The following KDM6B variants were observed in gnomAD, a reference collection of about 807,000 sequenced individuals.
KDM6B encodes lysine demethylase 6B.
A neutral mutation model predicts 150.4 loss-of-function variants in KDM6B; 22 were observed. That is an observed-to-expected ratio of 0.15 (90% CI 0.10 to 0.21). KDM6B has a LOEUF of 0.21. Ranked by LOEUF, KDM6B falls within the 10% of genes least tolerant of loss-of-function variation. The pLI, the probability that KDM6B is intolerant of heterozygous loss-of-function variation, is 1.00. For synonymous variants in KDM6B, 1,148 were observed against 921.1 expected, an observed-to-expected ratio of 1.25 and a Z score of -4.46; for missense variants, 1,984 against 2,234.3, an observed-to-expected ratio of 0.89 and a Z score of 2.26.
rs201403136 is a variant in KDM6B at position 7,848,213 on chromosome 17, C to T, written c.1925C>T (p.Pro642Leu). The T allele has an allele frequency of 3.1e-3, 4,981 of 1,610,004 alleles. 25 individuals are homozygous for T. The highest frequency in any genetic ancestry group is 0.022 in the Middle Eastern group (132 of 5,986). Residue 642 changes from proline (P) to leucine (L), a missense_variant, in exon 12 of 24, where the codon CCG becomes CTG. Pro to Leu is a moderately conservative substitution (Grantham distance 98). This residue lies in a region of KDM6B where 1,379 missense variants were observed against 1,275.6 expected (regional missense o/e 1.08). Coordinates refer to ENST00000448097, the MANE Select transcript of KDM6B (RefSeq NM_001348716.2). The stretch of plus-strand genomic sequence containing the variant: ...TTCCCAAAGACCCCCGAGGTGGGGC[C>T]GGGGCCACCCCCAGGCCCCCTGAGT... ...VSFPKTPEVGPGPPPGPLSKA... is the reference protein window; with the variant it reads ...VSFPKTPEVGLGPPPGPLSKA...
At chr17:7,836,347 C>T (rs1178656727) in intron 1 of KDM6B, among the ~76,000 whole-genome samples, 1 of 152,232 alleles carries the variant, frequency 6.6e-6, no homozygotes, top group Non-Finnish European at 1.5e-5. Flanking sequence ...CGTCCTTCTT[C>T]GCTTCTCCCG....
In KDM6B at chr17:7,847,818, A is replaced by AACC; in HGVS notation, c.1530_1531insACC (p.Gly510_Pro511insThr). 7.1e-7 allele frequency: 1 copy of AACC among 1,416,458 alleles called. No homozygotes were observed. The highest frequency in any genetic ancestry group is 9.4e-7 in the Non-Finnish European group (1 of 1,061,008). 87.7% of individuals were successfully genotyped at this position (1,416,458 alleles called of 1,614,324 possible). A position where few individuals can be genotyped will look rare whatever the true frequency, so the allele number is the denominator to read the frequency against. On this transcript the variant is annotated inframe_insertion, in exon 12 of 24. Transcript: ENST00000448097. ...AAGAGCTCTTCTTTGGGACTGAGGGACCCCCCCGCCCTGCCCCACCACCCC... is the reference window on the plus strand; with the variant it reads ...AAGAGCTCTTCTTTGGGACTGAGGGAACCCCCCCCCGCCCTGCCCCACCACCCC...
At chr17:7,853,166 A>G (rs1424824433) in intron 22 of KDM6B, 40 bp downstream of exon 22, 39 of 1,613,894 alleles carry the variant, frequency 2.4e-5, no homozygotes, top group Non-Finnish European at 2.5e-5. Context: ...GAGTGTCCAC[A>G]GTGGCCCTCC....
At chr17:7,852,886 C>A in intron 21 of KDM6B, 114 bp from the exon 22 acceptor site, 4 of 1,434,680 alleles carry the variant, frequency 2.8e-6, no homozygotes, top group Non-Finnish European at 3.9e-6. Flanking sequence ...AGACATGAAG[C>A]GGGGAGGCCC....
intron 14 of KDM6B, 87 bp from the exon 15 acceptor site, chr17:7,850,934 G>C: frequency 8.3e-7 from 1 of 1,200,036 alleles, no homozygotes; most frequent in Non-Finnish European, 1.2e-6. Flanking sequence ...GTCAGAGCCA[G>C]AGGAGTAGGA....
Position 7,847,027 on chromosome 17 carries a change from G to C in KDM6B, c.909+11G>C. ...CCCCCAGAGCGCCAGGTGAGCCCCTGCCTGTTGCCTTTCACCTCTCACCTA... is the reference window on the plus strand; with the variant it reads ...CCCCCAGAGCGCCAGGTGAGCCCCTCCCTGTTGCCTTTCACCTCTCACCTA... On this transcript the variant is annotated intron_variant, in intron 10 of 23. Coordinates refer to ENST00000448097, the MANE Select transcript of KDM6B (RefSeq NM_001348716.2). 2 of 1,613,126 alleles carry C rather than the reference G, an allele frequency of 1.2e-6. No individual in the cohort carries two copies. Among genetic ancestry groups the C allele is most frequent in the Non-Finnish European group, 8.5e-7 (1 of 1,179,432 alleles).
intron 2 of KDM6B, among the ~76,000 whole-genome samples, chr17:7,840,955 A>G (rs1451089371): frequency 6.6e-6 from 1 of 152,192 alleles, no homozygotes; most frequent in Non-Finnish European, 1.5e-5. Flanking sequence ...ATGGCCTGTG[A>G]GGATAAAACC....
In KDM6B at chr17:7,845,912, C is replaced by T. The variant is rs1445500706; in HGVS notation, c.178C>T (p.Leu60=). ...SIGQPPLPAP[L]PPSHGSSSGH... ...TGGGCAGCCCCCGCTTCCTGCTCCC[C>T]TACCCCCTTCACATGGCAGTAGTTC... Residue 60 remains leucine (L), a synonymous_variant, in exon 6 of 24, where the codon CTA becomes TTA. Coordinates refer to ENST00000448097, the MANE Select transcript of KDM6B (RefSeq NM_001348716.2). The T allele has an allele frequency of 1.2e-5, 20 of 1,614,036 alleles. No individual in the cohort carries two copies. Among genetic ancestry groups the T allele is most frequent in the Non-Finnish European group, 1.4e-5 (16 of 1,179,960 alleles).
At position 7,849,218 on chromosome 17, in the gene KDM6B, A is replaced by G; in HGVS notation, c.2930A>G (p.Lys977Arg). Reference sequence around the variant, plus strand: ...TCAGGCAGCTGTAAGCGGCGACAGAAGGAGCATCAGAAGGAGCATCGGCGG... The same window carrying G: ...TCAGGCAGCTGTAAGCGGCGACAGAGGGAGCATCAGAAGGAGCATCGGCGG... ...AVSGSCKRRQKEHQKEHRRHR... is the reference protein window; with the variant it reads ...AVSGSCKRRQREHQKEHRRHR... Residue 977 changes from lysine (K) to arginine (R), a missense_variant, in exon 12 of 24, where the codon AAG becomes AGG. Transcript: ENST00000448097. 6.3e-7 allele frequency: 1 copy of G among 1,590,180 alleles called. No homozygotes were observed. Among genetic ancestry groups the G allele is most frequent in the African/African-American group, 1.3e-5 (1 of 74,374 alleles).
At position 7,851,636 on chromosome 17, in the gene KDM6B, TC is replaced by T; in HGVS notation, c.4017-10del. 1 of 1,596,128 alleles carries T rather than the reference TC, an allele frequency of 6.3e-7. No individual in the cohort carries two copies. The highest frequency in any genetic ancestry group is 8.5e-7 in the Non-Finnish European group (1 of 1,171,066). ...GCGGGGTGTAGCCTCTCGTCGCACT[TC>T]CGCACCGCAGGTGGAAGCCCCAGCT... On this transcript the variant is annotated splice_polypyrimidine_tract_variant and intron_variant, in intron 17 of 23. Transcript: ENST00000448097.
chr17:7,847,552 G>A lies in KDM6B; in HGVS notation c.1264G>A (p.Ala422Thr), dbSNP rs2078581608. The change falls in exon 12 of 24, where the codon GCT becomes ACT. Residue 422 changes from alanine to threonine, a missense_variant. Ala to Thr is a moderately conservative substitution (Grantham distance 58). This residue lies in a region of KDM6B where 1,379 missense variants were observed against 1,275.6 expected (regional missense o/e 1.08). Coordinates refer to ENST00000448097, the MANE Select transcript of KDM6B (RefSeq NM_001348716.2). The stretch of plus-strand genomic sequence containing the variant: ...CCTGCTTCTACACTTGCAGCCCGGC[G>A]CTGACCATTACCAAACTCCCGCGCT... Reference protein sequence around the residue: ...GVEPNPGIPGADHYQTPALEV... With the variant: ...GVEPNPGIPGTDHYQTPALEV... The A allele has an allele frequency of 2.5e-6, 4 of 1,613,122 alleles. No homozygotes were observed. In the South Asian group the frequency reaches 3.3e-5, roughly 13 times the overall value.
At position 7,844,635 on chromosome 17, in the gene KDM6B, G is replaced by T. The variant is rs948783731; in HGVS notation, c.-268-266G>T. 6.6e-6 allele frequency among the ~76,000 whole-genome samples: 1 copy of T among 152,220 alleles called. No individual in the cohort carries two copies. The highest frequency in any genetic ancestry group is 1.5e-5 in the Non-Finnish European group (1 of 68,026). The stretch of plus-strand genomic sequence containing the variant: ...GAGCAGCCTGGCCGTGGCCACCGGC[G>T]GCTCTGGGTGCTTGAGGCTTGCGGG... On this transcript the variant is annotated intron_variant, in intron 2 of 23. Coordinates refer to ENST00000448097, the MANE Select transcript of KDM6B (RefSeq NM_001348716.2). This position sits in a 1 kb window ranked among gnomAD's most constrained non-coding sequence, Gnocchi z 5.9.
At position 7,847,259 on chromosome 17, in the gene KDM6B, C is replaced by A. The variant is rs200115787; in HGVS notation, c.1064C>A (p.Pro355His). The change falls in exon 11 of 24, where the codon CCC becomes CAC. Residue 355 changes from proline to histidine, a missense_variant. Transcript: ENST00000448097. ...ESHGCLPATR[P>H]PGSDLRESRV... ...CATGGCTGCCTGCCTGCCACCCGTC[C>A]CCCCGGAAGTGACCTTAGAGAGAGC... 1 of 1,603,834 alleles carries A rather than the reference C, an allele frequency of 6.2e-7. No homozygotes were observed. The highest frequency in any genetic ancestry group is 8.5e-7 in the Non-Finnish European group (1 of 1,179,740).
At position 7,846,696 on chromosome 17, in the gene KDM6B, C is replaced by G; in HGVS notation, c.667C>G (p.Leu223Val). The G allele has an allele frequency of 6.2e-7, 1 of 1,614,134 alleles. No individual in the cohort carries two copies. Among genetic ancestry groups the G allele is most frequent in the Middle Eastern group, 1.6e-4 (1 of 6,062 alleles). The change falls in exon 9 of 24, where the codon CTC becomes GTC. Residue 223 changes from leucine to valine, a missense_variant. By Grantham distance (32) the Leu-to-Val change is conservative. Around this residue, in one of 13 missense-constraint regions of KDM6B, gnomAD observed 337 missense variants for 323.9 expected, o/e 1.04. Transcript: ENST00000448097. ...CTCAGGCCCCTCAGGGGAGGAGGGC[C>G]TCAGCCCTGGAGGCAAGCGAAGGAG... ...ALSGPSGEEG[L>V]SPGGKRRRGC...
Position 7,853,628 on chromosome 17 carries a change from C to T in KDM6B, c.*107C>T. 2 of 778,904 alleles carry T rather than the reference C, an allele frequency of 2.6e-6. No individual in the cohort carries two copies. Among genetic ancestry groups the T allele is most frequent in the Non-Finnish European group, 3.6e-6 (2 of 560,162 alleles). 48.2% of individuals were successfully genotyped at this position (778,904 alleles called of 1,614,324 possible). ...GCCTGTGGCCGAGAAGGGGGTCGGG[C>T]CCAGCCCTTCCACCCCATTGGCAGC... On this transcript the variant is annotated 3_prime_UTR_variant, in exon 24 of 24. Coordinates refer to ENST00000448097, the MANE Select transcript of KDM6B (RefSeq NM_001348716.2).
At chr17:7,842,350 G>C (rs2078434824) in intron 2 of KDM6B, among the ~76,000 whole-genome samples, 1 of 152,214 alleles carries the variant, frequency 6.6e-6, no homozygotes, top group African/African-American at 2.4e-5. Flanking sequence ...AACCCTTTCA[G>C]AGCCGCTGGC....
chr17:7,841,787 G>A (rs2078418839), intron 2 of KDM6B, among the ~76,000 whole-genome samples: 2 of 152,190 alleles, frequency 1.3e-5, no homozygotes, highest in African/African-American at 2.4e-5. Context: ...GGTGGGGGGC[G>A]GGGAGGGGCC....
chr17:7,852,866 G>A lies in KDM6B; in HGVS notation c.4611-134G>A, dbSNP rs79731523. 3,407 of 1,331,604 alleles carry A rather than the reference G, an allele frequency of 2.6e-3. 68 individuals are homozygous for A. In the African/African-American group the frequency reaches 0.042, roughly 16 times the overall value. The allele number at this position is 1,331,604 out of a possible 1,614,324, so 82.5% of individuals were successfully genotyped here. ...CCTATAACAGATGCCCAGGACAGAGGATGTGACCTAGACATGAAGCGGGGA... is the reference window on the plus strand; with the variant it reads ...CCTATAACAGATGCCCAGGACAGAGAATGTGACCTAGACATGAAGCGGGGA... On this transcript the variant is annotated intron_variant, in intron 21 of 23. Transcript: ENST00000448097.
rs886467222 is a variant in KDM6B, at chr17:7,853,263, G to A, written c.4791G>A (p.Thr1597=). The A allele has an allele frequency of 3.7e-6, 6 of 1,610,258 alleles. No homozygotes were observed. In the African/African-American group the frequency reaches 5.3e-5, roughly 14 times the overall value. ...FVTSENGSRN[T]YLVHCEGCAR... The stretch of plus-strand genomic sequence containing the variant: ...CAAGTGAGAATGGCAGCCGCAACAC[G>A]TACCTGGTACACTGCGAGGGCTGTG... Residue 1597 remains threonine, a synonymous_variant, in exon 23 of 24, where the codon ACG becomes ACA. Transcript: ENST00000448097.
Sources: allele counts gnomAD v4.1 joint callset (sites outside exome capture counted in the v4.1 genomes callset), GRCh38; gene constraint gnomAD v4.1.1; regional missense constraint gnomAD v4.1.1; non-coding constraint Gnocchi (gnomAD v3.1); transcripts MANE v1.5; gene names NCBI Gene and HGNC (gene_info 2026-07-23, HGNC 2026-07-21).